The following ARL13B variants were observed in gnomAD, a reference collection of about 807,000 sequenced individuals.
The protein encoded by ARL13B is ARF like GTPase 13B.
ARL13B carries 36 observed loss-of-function variants against 56.1 expected under a neutral mutation model. The observed-to-expected ratio is 0.64, with a 90% CI of 0.49 to 0.85. The LOEUF is 0.85. Among genes scored for constraint, ARL13B ranks in the 40% least tolerant of loss-of-function variants. The probability of loss-of-function intolerance (pLI) is 0.00; values close to 1 mark genes in which losing one functional copy is unlikely to be tolerated. For missense variants in ARL13B, 519 were observed against 507.1 expected (o/e 1.02, Z -0.23); for synonymous variants, 178 against 171.1 (o/e 1.04, Z -0.32).
At chr3:94,018,063 T>C (rs1283653553) in intron 3 of ARL13B, among the ~76,000 whole-genome samples, 1 of 152,162 alleles carries the variant, frequency 6.6e-6, no homozygotes, top group East Asian at 1.9e-4. Flanking sequence ...GATATGTAAT[T>C]TAAAAAAATT....
At chr3:94,049,575 AG>A (rs2077037635) in intron 8 of ARL13B, 53 bp downstream of exon 8, 18 of 1,219,320 alleles carry the variant, frequency 1.5e-5, no homozygotes, top group South Asian at 3.9e-5. Context: ...TAAACAACAG[AG>A]AAAAAAAAAA....
Position 94,035,310 on chromosome 3 carries a change from A to G in ARL13B, c.381-21A>G, listed in dbSNP as rs912261238. On this transcript the variant is annotated intron_variant, in intron 3 of 9. Coordinates refer to ENST00000394222, the MANE Select transcript of ARL13B (RefSeq NM_001174150.2). ...TCCAATTATATATATGCTGTATAAA[A>G]GTACTTTAATTATCTTTCAGGTTGG... The G allele has an allele frequency of 3.4e-6, 5 of 1,490,928 alleles. No homozygotes were observed. The African/African-American group carries it at 6.9e-5, about 21-fold the overall frequency. The allele number at this position is 1,490,928 out of a possible 1,614,324, so 92.4% of individuals were successfully genotyped here.
At chr3:94,041,304 A>G (rs2076858354) in intron 6 of ARL13B, among the ~76,000 whole-genome samples, 1 of 152,196 alleles carries the variant, frequency 6.6e-6, no homozygotes, top group Non-Finnish European at 1.5e-5. Context: ...GATAAAGATA[A>G]CATTTCAAAT....
At chr3:94,015,122 G>A (rs1390590074) in intron 3 of ARL13B, 2 of 1,613,802 alleles carry the variant, frequency 1.2e-6, no homozygotes, top group Admixed American at 1.7e-5. Context: ...TCATGTAGGT[G>A]TCTCTCAGCT....
rs199505618 is a variant in ARL13B, at chr3:93,980,374, C to A, written c.-50C>A. 2,740 of 1,604,612 alleles carry A rather than the reference C, an allele frequency of 1.7e-3. 7 individuals carry two copies. Among genetic ancestry groups the A allele is most frequent in the Non-Finnish European group, 1.8e-3 (2,105 of 1,177,118 alleles). Reference sequence around the variant, plus strand: ...AGGCCCCCGGGGAAGAGCGGGGTGCCGGTGTCCGCTCCGGGCTCGGATGGG... The same window carrying A: ...AGGCCCCCGGGGAAGAGCGGGGTGCAGGTGTCCGCTCCGGGCTCGGATGGG... On this transcript the variant is annotated 5_prime_UTR_variant, in exon 1 of 10. Coordinates refer to ENST00000394222, the MANE Select transcript of ARL13B (RefSeq NM_001174150.2).
At chr3:94,023,753 ATAT>A (rs1432349119) in intron 3 of ARL13B, among the ~76,000 whole-genome samples, 1 of 152,150 alleles carries the variant, frequency 6.6e-6, no homozygotes, top group Non-Finnish European at 1.5e-5. Context: ...TCCTAGTGAA[ATAT>A]ACACAAATAA....
chr3:94,019,883 C>T (rs1293790689), intron 3 of ARL13B, among the ~76,000 whole-genome samples: 3 of 152,164 alleles, frequency 2.0e-5, no homozygotes, highest in East Asian at 3.9e-4. Context: ...GTGTTCTTTC[C>T]CATGTAGTAT....
At chr3:94,049,984 C>T (rs57860491) in intron 8 of ARL13B, among the ~76,000 whole-genome samples, 5 of 143,448 alleles carry the variant, frequency 3.5e-5, no homozygotes, top group Admixed American at 2.8e-4. Context: ...AACCCCGTCT[C>T]TACTAAAGAT....
intron 3 of ARL13B, among the ~76,000 whole-genome samples, chr3:94,009,477 T>C (rs1377576492): frequency 2.0e-5 from 3 of 152,108 alleles, no homozygotes; most frequent in Non-Finnish European, 4.4e-5. Flanking sequence ...GTTATCCTAA[T>C]ACAGTTATCA....
Position 94,053,892 on chromosome 3 carries a change from G to A in ARL13B, c.*629G>A, listed in dbSNP as rs1052467313. The A allele has an allele frequency of 1.3e-5, 4 of 315,948 alleles. No individual in the cohort carries two copies. The highest frequency in any genetic ancestry group is 2.5e-5 in the Non-Finnish European group (4 of 162,154). 19.6% of individuals were successfully genotyped at this position (315,948 alleles called of 1,614,324 possible). ...GTTTTGTAATAGCGTTGTTCTTTAA[G>A]TGTACATCGTAATTTGACCTAATTT... On this transcript the variant is annotated 3_prime_UTR_variant, in exon 10 of 10. Coordinates refer to ENST00000394222, the MANE Select transcript of ARL13B (RefSeq NM_001174150.2).
chr3:94,031,281 A>ATT (rs1021414459), intron 3 of ARL13B, among the ~76,000 whole-genome samples: 2 of 148,370 alleles, frequency 1.3e-5, no homozygotes, highest in Non-Finnish European at 3.0e-5. Context: ...ACATGGTTAG[A>ATT]TTTTTTTTTT....
chr3:93,982,653 C>T (rs1276062447), intron 1 of ARL13B, among the ~76,000 whole-genome samples: 1 of 152,110 alleles, frequency 6.6e-6, no homozygotes, highest in Non-Finnish European at 1.5e-5. Context: ...TCTTACTGCT[C>T]TGGATCATAG....
chr3:94,014,948 T>G (rs1351489963), intron 3 of ARL13B: 1 of 1,613,968 alleles, frequency 6.2e-7, no homozygotes, highest in South Asian at 1.1e-5. Context: ...TCATTCAAAC[T>G]TCTGTTGATG....
rs75949433 is a variant in ARL13B at position 93,997,495 on chromosome 3, A to T, written c.130+1551A>T. 5.1e-3 allele frequency among the ~76,000 whole-genome samples: 773 copies of T among 152,234 alleles called. 4 individuals carry two copies. The highest frequency in any genetic ancestry group is 0.014 in the African/African-American group (585 of 41,528). ...AGTAAATTATCTGTTATTGTCTATGATTTTTTCTAAAGCCTATGTCTATGC... is the reference window on the plus strand; with the variant it reads ...AGTAAATTATCTGTTATTGTCTATGTTTTTTTCTAAAGCCTATGTCTATGC... On this transcript the variant is annotated intron_variant, in intron 2 of 9. Transcript: ENST00000394222.
rs770774271 is a variant in ARL13B, at chr3:94,055,536, G to C, written c.*2273G>C. On this transcript the variant is annotated 3_prime_UTR_variant, in exon 10 of 10. Transcript: ENST00000394222. ...TTAGAGGATTTGATGTCTGTCTTGCGTTAAAGCTGTTGGTCAACAGATATG... is the reference window on the plus strand; with the variant it reads ...TTAGAGGATTTGATGTCTGTCTTGCCTTAAAGCTGTTGGTCAACAGATATG... 1 of 453,792 alleles carries C rather than the reference G, an allele frequency of 2.2e-6. No homozygotes were observed. Among genetic ancestry groups the C allele is most frequent in the Non-Finnish European group, 4.4e-6 (1 of 226,672 alleles). The allele number at this position is 453,792 out of a possible 1,614,324, so 28.1% of individuals were successfully genotyped here.
chr3:94,016,131 TGAC>T (rs971195813), intron 3 of ARL13B, among the ~76,000 whole-genome samples: 111 of 152,230 alleles, frequency 7.3e-4, no homozygotes, highest in African/African-American at 2.6e-3. Flanking sequence ...ATATATGAAA[TGAC>T]ATACATACAT....
At chr3:93,981,880 A>AG (rs1710235783) in intron 1 of ARL13B, among the ~76,000 whole-genome samples, 3 of 151,088 alleles carry the variant, frequency 2.0e-5, no homozygotes, top group Non-Finnish European at 2.9e-5. Context: ...AAAAAAAAAA[A>AG]AAAAAAAAAG....
intron 3 of ARL13B, among the ~76,000 whole-genome samples, chr3:94,024,996 T>C (rs182936826): frequency 3.9e-4 from 59 of 152,296 alleles, no homozygotes; most frequent in Non-Finnish European, 2.9e-4. Context: ...TGGAGCACAG[T>C]GTACACAGGC....
At chr3:93,980,758 TGTGG>T (rs1418494803) in intron 1 of ARL13B, among the ~76,000 whole-genome samples, 1 of 151,200 alleles carries the variant, frequency 6.6e-6, no homozygotes, top group African/African-American at 2.5e-5. Flanking sequence ...TGTGTGTGTG[TGTGG>T]AATTGAAAAC....
Sources: gnomAD v4.1 joint callset for allele counts (sites outside exome capture counted in the v4.1 genomes callset) on GRCh38, gnomAD v4.1.1 for gene constraint, MANE v1.5 for transcripts, NCBI Gene and HGNC (gene_info 2026-07-23, HGNC 2026-07-21) for gene names.